The following KIF26A variants were observed in gnomAD, a reference collection of about 807,000 sequenced individuals.
The protein encoded by KIF26A is kinesin-like protein KIF26A.
In KIF26A, 74 loss-of-function variants were observed where a neutral mutation model predicts 126.0. That is an observed-to-expected ratio of 0.59 (90% CI 0.49 to 0.71). The LOEUF is 0.71. Among genes scored for constraint, KIF26A ranks in the 30% least tolerant of loss-of-function variants. The pLI, the probability that KIF26A is intolerant of heterozygous loss-of-function variation, is 0.00. For missense variants in KIF26A, 2,984 were observed against 2,763.3 expected (o/e 1.08, Z -1.79); for synonymous variants, 1,445 against 1,232.7 (o/e 1.17, Z -3.61).
intron 4 of KIF26A, among the ~76,000 whole-genome samples, chr14:104,163,329 T>G (rs2037850034): frequency 6.6e-6 from 1 of 152,176 alleles, no homozygotes; most frequent in South Asian, 2.1e-4. Context: ...CTTCCCAGCG[T>G]TCCCCTCTGC....
At chr14:104,179,098 C>T (rs1001222133) in intron 13 of KIF26A, 138 bp from the exon 14 acceptor site, 10 of 1,051,102 alleles carry the variant, frequency 9.5e-6, no homozygotes, top group Admixed American at 3.4e-5. Context: ...CAGGTCCGCC[C>T]CCTGCCCGCC....
Position 104,152,316 on chromosome 14 carries a change from G to T in KIF26A, c.590G>T (p.Trp197Leu). Residue 197 changes from tryptophan (W) to leucine (L), a missense_variant, in exon 3 of 15, where the codon TGG becomes TTG. By Grantham distance (61) the Trp-to-Leu change is moderately conservative (BLOSUM62 -2). Coordinates refer to ENST00000423312, the MANE Select transcript of KIF26A (RefSeq NM_015656.2). The surrounding 1 kb of genome is among the most constrained non-coding windows in gnomAD (Gnocchi z 5.9). ...AGPDRTKGLA[W>L]SPGPSVQVSV... ...CCAGACAGGACCAAGGGGCTGGCCTGGTCCCCCGGGCCCAGTGTCCAGGTG... is the reference window on the plus strand; with the variant it reads ...CCAGACAGGACCAAGGGGCTGGCCTTGTCCCCCGGGCCCAGTGTCCAGGTG... 6.3e-7 allele frequency: 1 copy of T among 1,580,570 alleles called. No individual in the cohort carries two copies.
intron 2 of KIF26A, among the ~76,000 whole-genome samples, chr14:104,141,216 C>T (rs908458876): frequency 5.3e-5 from 8 of 152,178 alleles, no homozygotes; most frequent in African/African-American, 1.9e-4. Flanking sequence ...CCAGGGAGAC[C>T]CCAGTGTGCT....
At position 104,179,945 on chromosome 14, in the gene KIF26A, A is replaced by T. The variant is rs1471625414; in HGVS notation, c.*155A>T. Reference sequence around the variant, plus strand: ...AGAGGAGACGGAGTGTGGGGGAGGGAGGGCCGGCCACGCGGTGGACAGAGC... The same window carrying T: ...AGAGGAGACGGAGTGTGGGGGAGGGTGGGCCGGCCACGCGGTGGACAGAGC... On this transcript the variant is annotated 3_prime_UTR_variant, in exon 15 of 15. Coordinates refer to ENST00000423312, the MANE Select transcript of KIF26A (RefSeq NM_015656.2). 1.7e-5 allele frequency: 14 copies of T among 802,838 alleles called. No individual in the cohort carries two copies. In the East Asian group the frequency reaches 3.4e-4, roughly 20 times the overall value. The allele number at this position is 802,838 out of a possible 1,614,324, so 49.7% of individuals were successfully genotyped here.
Position 104,176,720 on chromosome 14 carries a change from C to T in KIF26A, c.3932C>T (p.Thr1311Ile). Reference sequence around the variant, plus strand: ...ATCCCACCGCTGCGGAGGGGTGCCACCACGCTGGGTGTGACAACGCCAGCT... The same window carrying T: ...ATCCCACCGCTGCGGAGGGGTGCCATCACGCTGGGTGTGACAACGCCAGCT... ...ARIPPLRRGA[T>I]TLGVTTPAVS... Residue 1311 changes from threonine (T) to isoleucine (I), a missense_variant, in exon 12 of 15, where the codon ACC becomes ATC. By Grantham distance (89) the Thr-to-Ile change is moderately conservative (BLOSUM62 -1). Transcript: ENST00000423312. 8 of 1,585,188 alleles carry T rather than the reference C, an allele frequency of 5.0e-6. No homozygotes were observed. The highest frequency in any genetic ancestry group is 6.9e-6 in the Non-Finnish European group (8 of 1,166,596).
intron 4 of KIF26A, among the ~76,000 whole-genome samples, chr14:104,164,568 G>A (rs536722412): frequency 1.3e-5 from 2 of 152,314 alleles, no homozygotes; most frequent in Non-Finnish European, 2.9e-5. Context: ...CAGGGAATGA[G>A]TAGGTGTGGC....
rs1434214989 is a variant in KIF26A at position 104,151,283 on chromosome 14, G to C, written c.289-732G>C. Reference sequence around the variant, plus strand: ...AGCCGTTTCTAGAACCCAGTCTCAGGGTTCTAGAGAAACCTGTGTGTCCCC... The same window carrying C: ...AGCCGTTTCTAGAACCCAGTCTCAGCGTTCTAGAGAAACCTGTGTGTCCCC... On this transcript the variant is annotated intron_variant, in intron 2 of 14. Coordinates refer to ENST00000423312, the MANE Select transcript of KIF26A (RefSeq NM_015656.2). The surrounding 1 kb of genome is among the most constrained non-coding windows in gnomAD (Gnocchi z 4.9). Among the ~76,000 whole-genome samples the C allele has an allele frequency of 6.6e-6, 1 of 152,108 alleles. No homozygotes were observed. The highest frequency in any genetic ancestry group is 1.5e-5 in the Non-Finnish European group (1 of 68,002).
Position 104,166,899 on chromosome 14 carries a change from C to A in KIF26A, c.964C>A (p.Pro322Thr). 6.3e-7 allele frequency: 1 copy of A among 1,588,098 alleles called. No homozygotes were observed. Among genetic ancestry groups the A allele is most frequent in the Admixed American group, 1.8e-5 (1 of 57,042 alleles). Residue 322 changes from proline (P) to threonine (T), a missense_variant, in exon 5 of 15, where the codon CCC becomes ACC. Coordinates refer to ENST00000423312, the MANE Select transcript of KIF26A (RefSeq NM_015656.2). ...CAGCCTGGCCTCCAAGAGGAAGAAGCCCCACCCGCCACCGCCTCCAGCCAC... is the reference window on the plus strand; with the variant it reads ...CAGCCTGGCCTCCAAGAGGAAGAAGACCCACCCGCCACCGCCTCCAGCCAC... Reference protein sequence around the residue: ...KLSLASKRKKPHPPPPPATRG... With the variant: ...KLSLASKRKKTHPPPPPATRG...
chr14:104,138,812 G>C (rs2037608232), intron 1 of KIF26A, 48 bp downstream of exon 1: 1 of 1,258,654 alleles, frequency 7.9e-7, no homozygotes, highest in Non-Finnish European at 1.0e-6. Context: ...GGGGGCCCGG[G>C]ACGGCGAAGA....
Position 104,142,408 on chromosome 14 carries a change from C to A in KIF26A, c.288+3120C>A, listed in dbSNP as rs531408520. Among the ~76,000 whole-genome samples, 8 of 152,260 alleles carry A rather than the reference C, an allele frequency of 5.3e-5. 1 individual carries two copies. In the South Asian group the frequency reaches 1.5e-3, roughly 28 times the overall value. ...GTCTCCGGGCTGACTACTTCAGGAC[C>A]CCCATGGCCTGGAGCGGCCCCCTGT... On this transcript the variant is annotated intron_variant, in intron 2 of 14. Transcript: ENST00000423312.
At position 104,172,592 on chromosome 14, in the gene KIF26A, G is replaced by A; in HGVS notation, c.1344G>A (p.Gly448=). The part of the protein sequence containing the change: ...QDSEQAEVCS[G]TVADVLQSVV... The stretch of plus-strand genomic sequence containing the variant: ...CCCCCTAGGCCGAAGTCTGCTCGGG[G>A]ACCGTGGCCGACGTGCTCCAGTCGG... Residue 448 remains glycine, a synonymous_variant, in exon 7 of 15, where the codon GGG becomes GGA. Transcript: ENST00000423312. 3.1e-6 allele frequency: 5 copies of A among 1,613,034 alleles called. No individual in the cohort carries two copies. Among genetic ancestry groups the A allele is most frequent in the African/African-American group, 2.7e-5 (2 of 75,058 alleles).
At chr14:104,141,204 G>T (rs1354800982) in intron 2 of KIF26A, among the ~76,000 whole-genome samples, 1 of 152,210 alleles carries the variant, frequency 6.6e-6, no homozygotes, top group Non-Finnish European at 1.5e-5. Context: ...TCTCTGGGGT[G>T]GCCAGGGAGA....
At chr14:104,166,569 T>C (rs74438699) in intron 4 of KIF26A, among the ~76,000 whole-genome samples, 89 of 152,188 alleles carry the variant, frequency 5.8e-4, no homozygotes, top group African/African-American at 2.0e-3. Context: ...GGGGATGGCA[T>C]TCAGTGCAGA....
In KIF26A at chr14:104,176,417, T is replaced by A. The variant is rs2038028353; in HGVS notation, c.3629T>A (p.Leu1210His). 1.3e-6 allele frequency: 2 copies of A among 1,592,824 alleles called. No homozygotes were observed. The highest frequency in any genetic ancestry group is 1.7e-6 in the Non-Finnish European group (2 of 1,166,488). Residue 1210 changes from leucine (L) to histidine (H), a missense_variant, in exon 12 of 15, where the codon CTC (leucine) becomes CAC (histidine). Physicochemically the swap from Leu to His is moderately conservative, Grantham distance 99 (BLOSUM62 -3). Transcript: ENST00000423312. ...GCAGCCCAGACCATCCACTCCAGCC[T>A]CCCCCGGAAACCGAGGACTGCCTCT... Reference protein sequence around the residue: ...ASAAQTIHSSLPRKPRTASAT... With the variant: ...ASAAQTIHSSHPRKPRTASAT...
Position 104,175,279 on chromosome 14 carries a change from C to G in KIF26A, c.2491C>G (p.Arg831Gly), listed in dbSNP as rs751367019. 3 of 1,605,302 alleles carry G rather than the reference C, an allele frequency of 1.9e-6. No individual in the cohort carries two copies. The highest frequency in any genetic ancestry group is 2.5e-6 in the Non-Finnish European group (3 of 1,179,574). Residue 831 changes from arginine (R) to glycine (G), a missense_variant, in exon 12 of 15, where the codon CGA (arginine) becomes GGA (glycine). Physicochemically the swap from Arg to Gly is moderately radical, Grantham distance 125. Coordinates refer to ENST00000423312, the MANE Select transcript of KIF26A (RefSeq NM_015656.2). ...CCGCCACCGGCCCTCCAAGGGTCCC[C>G]GAGACGCAGACCACTTCCGCTGCAG... The part of the protein sequence containing the change: ...LSRHRPSKGP[R>G]DADHFRCSTF...
At chr14:104,141,610 A>G (rs59686517) in intron 2 of KIF26A, among the ~76,000 whole-genome samples, 705 of 117,798 alleles carry the variant, frequency 6.0e-3, no homozygotes, top group African/African-American at 0.032. Context: ...CCAGCCTGCC[A>G]GGGTCTCCCT....
intron 13 of KIF26A, 115 bp downstream of exon 13, chr14:104,178,870 C>G (rs748309216): frequency 1.5e-6 from 1 of 645,528 alleles, no homozygotes. Flanking sequence ...TGGGCAGCCC[C>G]TGACCTCACT....
chr14:104,167,170 A>G (rs911947077), intron 5 of KIF26A, 122 bp downstream of exon 5: 15 of 1,104,076 alleles, frequency 1.4e-5, no homozygotes, highest in African/African-American at 4.8e-5. Context: ...AAGGGTGGTC[A>G]GTGGGGTGCC....
In KIF26A at chr14:104,177,170, C is replaced by T. The variant is rs1471074756; in HGVS notation, c.4382C>T (p.Ala1461Val). The change falls in exon 12 of 15, where the codon GCT becomes GTT. Residue 1461 changes from alanine (A) to valine (V), a missense_variant. Coordinates refer to ENST00000423312, the MANE Select transcript of KIF26A (RefSeq NM_015656.2). ...GREAPGRPPR[A>V]VPKLGVPPSS... Reference sequence around the variant, plus strand: ...GAAGCCCCTGGGCGGCCTCCCCGGGCTGTACCCAAGCTGGGTGTGCCACCC... The same window carrying T: ...GAAGCCCCTGGGCGGCCTCCCCGGGTTGTACCCAAGCTGGGTGTGCCACCC... 2 of 1,597,266 alleles carry T rather than the reference C, an allele frequency of 1.3e-6. No homozygotes were observed. The highest frequency in any genetic ancestry group is 2.2e-5 in the East Asian group (1 of 44,832).
Sources: gnomAD v4.1 joint callset for allele counts (sites outside exome capture counted in the v4.1 genomes callset) on GRCh38, gnomAD v4.1.1 for gene constraint, Gnocchi (gnomAD v3.1) non-coding constraint, MANE v1.5 for transcripts, NCBI Gene and HGNC (gene_info 2026-07-23, HGNC 2026-07-21) for gene names.